ABCA3: variants seen among roughly 807,000 people sequenced by gnomAD.
The protein encoded by ABCA3 is phospholipid-transporting ATPase ABCA3.
In ABCA3, 88 loss-of-function variants were observed where a neutral mutation model predicts 172.8. The observed-to-expected ratio is 0.51, with a 90% CI of 0.43 to 0.61. The LOEUF is 0.61. Ranked by LOEUF, ABCA3 falls within the 20% of genes least tolerant of loss-of-function variation. The pLI, the probability that ABCA3 is intolerant of heterozygous loss-of-function variation, is 0.00. For missense variants in ABCA3, 2,164 were observed against 2,301.0 expected, an observed-to-expected ratio of 0.94 and a Z score of 1.22; for synonymous variants, 1,066 against 983.8, an observed-to-expected ratio of 1.08 and a Z score of -1.56.
At position 2,285,759 on chromosome 16, in the gene ABCA3, A is replaced by C; in HGVS notation, c.3279-113T>G. ...ATGCAGGGCAGCAGCCCAACCACTA[A>C]AGGGGCTTATGGGAGAGCACAAGCA... On this transcript the variant is annotated intron_variant, in intron 22 of 32. Transcript: ENST00000301732. The surrounding 1 kb of genome is among the most constrained non-coding windows in gnomAD (Gnocchi z 4.7). The C allele has an allele frequency of 1.0e-5, 10 of 997,568 alleles. No homozygotes were observed. Among genetic ancestry groups the C allele is most frequent in the Non-Finnish European group, 1.5e-5 (10 of 653,114 alleles). 61.8% of individuals were successfully genotyped at this position (997,568 alleles called of 1,614,324 possible).
At position 2,278,455 on chromosome 16, in the gene ABCA3, A is replaced by T. The variant is rs776890182; in HGVS notation, c.4551T>A (p.Gly1517=). 6.2e-7 allele frequency: 1 copy of T among 1,611,760 alleles called. No individual in the cohort carries two copies. Among genetic ancestry groups the T allele is most frequent in the African/African-American group, 1.3e-5 (1 of 75,036 alleles). The part of the protein sequence containing the change: ...HANKLVRTYS[G]GNKRKLSTGI... ...CGGTGCTCAGCTTCCGCTTGTTACCACCACTAGAGGCAGGAGGGTGCCAGG... is the reference window on the plus strand; with the variant it reads ...CGGTGCTCAGCTTCCGCTTGTTACCTCCACTAGAGGCAGGAGGGTGCCAGG... The change falls in exon 30 of 33, where the codon GGT becomes GGA. Residue 1517 remains glycine, a synonymous_variant. Coordinates refer to ENST00000301732, the MANE Select transcript of ABCA3 (RefSeq NM_001089.3). The surrounding 1 kb of genome is among the most constrained non-coding windows in gnomAD (Gnocchi z 4.4).
intron 1 of ABCA3, among the ~76,000 whole-genome samples, chr16:2,340,101 G>T (rs1358453471): frequency 6.6e-6 from 1 of 152,216 alleles, no homozygotes; most frequent in Non-Finnish European, 1.5e-5. Flanking sequence ...AACCCGGGCG[G>T]CTTTGCCACC....
At chr16:2,329,484 T>C (rs1248785445) in intron 2 of ABCA3, among the ~76,000 whole-genome samples, 164 bp downstream of exon 2, 3 of 152,212 alleles carry the variant, frequency 2.0e-5, no homozygotes, top group East Asian at 3.8e-4. Flanking sequence ...AGAAGTCTTC[T>C]GGTTAGAGGA....
At position 2,304,799 on chromosome 16, in the gene ABCA3, C is replaced by T. The variant is rs539044188; in HGVS notation, c.1286-649G>A. Among the ~76,000 whole-genome samples, 438 of 152,004 alleles carry T rather than the reference C, an allele frequency of 2.9e-3. 2 individuals carry two copies. The highest frequency in any genetic ancestry group is 0.01 in the African/African-American group (424 of 41,482). ...CACGCCATTCTCCTGCCTCAGCCTC[C>T]TGAGTAGCTGGGACTACAGGCGCCC... is the stretch of plus-strand genomic sequence containing the variant. On this transcript the variant is annotated intron_variant, in intron 11 of 32. Transcript: ENST00000301732.
chr16:2,277,474 A>T lies in ABCA3; in HGVS notation c.4983+123T>A. ...ACCAGCACGTATCAGGCTGAGTGTT[A>T]GGGGAGAAATGGAAAGTGACTCCTC... On this transcript the variant is annotated intron_variant, in intron 32 of 32. Transcript: ENST00000301732. The surrounding 1 kb of genome is among the most constrained non-coding windows in gnomAD (Gnocchi z 5.3). 1.0e-6 allele frequency: 1 copy of T among 999,854 alleles called. No individual in the cohort carries two copies. Among genetic ancestry groups the T allele is most frequent in the Non-Finnish European group, 1.5e-6 (1 of 649,936 alleles). The allele number at this position is 999,854 out of a possible 1,614,324, so 61.9% of individuals were successfully genotyped here. A position where few individuals can be genotyped will look rare whatever the true frequency, so the allele number is the denominator to read the frequency against.
At chr16:2,337,568 AGAGATGG>A (rs1270944270) in intron 1 of ABCA3, among the ~76,000 whole-genome samples, 1 of 122,324 alleles carries the variant, frequency 8.2e-6, no homozygotes, top group Non-Finnish European at 1.6e-5. Context: ...TTTTTTTTTT[AGAGATGG>A]GATCTTGCCA....
At chr16:2,336,957 G>A (rs1231932501) in intron 1 of ABCA3, among the ~76,000 whole-genome samples, 3 of 150,800 alleles carry the variant, frequency 2.0e-5, no homozygotes, top group African/African-American at 7.3e-5. Context: ...CTGTTTCCCA[G>A]GCTGCAGTGC....
Position 2,297,461 on chromosome 16 carries a change from T to C in ABCA3, c.2131A>G (p.Lys711Glu), listed in dbSNP as rs2093681639. 2 of 1,613,652 alleles carry C rather than the reference T, an allele frequency of 1.2e-6. No individual in the cohort carries two copies. Among genetic ancestry groups the C allele is most frequent in the Non-Finnish European group, 1.7e-6 (2 of 1,180,028 alleles). The change falls in exon 17 of 33, where the codon AAA (lysine) becomes GAA (glutamate). Residue 711 changes from lysine to glutamate, a missense_variant. Transcript: ENST00000301732. This position sits in a 1 kb window ranked among gnomAD's most constrained non-coding sequence, Gnocchi z 5.6. Reference sequence around the variant, plus strand: ...GTCAGCACGATGGTGCGGTCACTTTTCTGCCGCTGAAGAAGATCCCAGATG... The same window carrying C: ...GTCAGCACGATGGTGCGGTCACTTTCCTGCCGCTGAAGAAGATCCCAGATG... The part of the protein sequence containing the change: ...RAIWDLLQRQ[K>E]SDRTIVLTTH...
chr16:2,300,525 C>T (rs323040), intron 12 of ABCA3, among the ~76,000 whole-genome samples: 27,410 of 152,144 alleles, frequency 0.18, 2,607 homozygotes, highest in Middle Eastern at 0.21. Context: ...CCCATGCCAC[C>T]CGGCTGTTTC....
intron 1 of ABCA3, chr16:2,332,528 C>T: frequency 5.0e-6 from 5 of 998,930 alleles, no homozygotes; most frequent in Non-Finnish European, 6.3e-6. Flanking sequence ...GCCACATGAC[C>T]ACCACCCTCC....
intron 1 of ABCA3, 118 bp downstream of exon 1, chr16:2,340,455 C>A (rs1479299635): frequency 2.0e-5 from 3 of 150,562 alleles, no homozygotes; most frequent in African/African-American, 7.3e-5. Flanking sequence ...CAGGCCAGGC[C>A]GGAGCTGGGG....
Position 2,297,607 on chromosome 16 carries a change from T to A in ABCA3, c.2053-68A>T. 1 of 1,597,600 alleles carries A rather than the reference T, an allele frequency of 6.3e-7. No homozygotes were observed. The highest frequency in any genetic ancestry group is 8.5e-7 in the Non-Finnish European group (1 of 1,172,166). The stretch of plus-strand genomic sequence containing the variant: ...CCCCGGGCCCAGGCTGGCCTTGCGG[T>A]AGGCCCCATCGAGGGGTTCGCGGAG... On this transcript the variant is annotated intron_variant, in intron 16 of 32. Coordinates refer to ENST00000301732, the MANE Select transcript of ABCA3 (RefSeq NM_001089.3). The surrounding 1 kb of genome is among the most constrained non-coding windows in gnomAD (Gnocchi z 5.6).
In ABCA3 at chr16:2,316,490, C is replaced by CAAAAAAAAAAA. The variant is rs71148128; in HGVS notation, c.1111+782_1111+792dup. On this transcript the variant is annotated intron_variant, in intron 10 of 32. Transcript: ENST00000301732. ...CAAAACCCCGTCTCTACTAAAAATG[C>CAAAAAAAAAAA]AAAAAAAAAAAAAAAAAAAAAAAAA... Among the ~76,000 whole-genome samples, 100 of 28,872 alleles carry CAAAAAAAAAAA rather than the reference C, an allele frequency of 3.5e-3. 40 individuals carry two copies. Among genetic ancestry groups the CAAAAAAAAAAA allele is most frequent in the Non-Finnish European group, 5.3e-3 (69 of 13,002 alleles). 18.9% of individuals were successfully genotyped at this position (28,872 alleles called of 152,430 possible).
At chr16:2,325,954 C>T in intron 5 of ABCA3, 56 bp downstream of exon 5, 3 of 1,607,748 alleles carry the variant, frequency 1.9e-6, no homozygotes, top group South Asian at 2.2e-5. Context: ...CCCCTGCCTG[C>T]CCAGCCGCGT....
In ABCA3 at chr16:2,284,974, G is replaced by T; in HGVS notation, c.3508C>A (p.Arg1170Ser). The change falls in exon 24 of 33, where the codon CGT (arginine) becomes AGT (serine). Residue 1170 changes from arginine (R) to serine (S), a missense_variant. Arg to Ser is a moderately radical substitution (Grantham distance 110). This residue lies in a region of ABCA3 where 795 missense variants were observed against 881.9 expected (regional missense o/e 0.90). Coordinates refer to ENST00000301732, the MANE Select transcript of ABCA3 (RefSeq NM_001089.3). The surrounding 1 kb of genome is among the most constrained non-coding windows in gnomAD (Gnocchi z 5.9). Reference sequence around the variant, plus strand: ...ATGTGGCCGTCCCGCGTGAAGGCACGCACGTCGAAGGCCTTAAACACCACC... The same window carrying T: ...ATGTGGCCGTCCCGCGTGAAGGCACTCACGTCGAAGGCCTTAAACACCACC... ...LLVVFKAFDV[R>S]AFTRDGHMAD... is the part of the protein sequence containing the mutation. 1 of 1,613,566 alleles carries T rather than the reference G, an allele frequency of 6.2e-7. No homozygotes were observed. The highest frequency in any genetic ancestry group is 8.5e-7 in the Non-Finnish European group (1 of 1,179,954).
At chr16:2,303,941 G>A (rs371568223) in intron 12 of ABCA3, 28 bp downstream of exon 12, 79 of 1,613,446 alleles carry the variant, frequency 4.9e-5, no homozygotes, top group Non-Finnish European at 6.1e-5. Context: ...GAGAGGCGGC[G>A]GCTCAAGAGC....
In ABCA3 at chr16:2,283,558, C is replaced by G; in HGVS notation, c.3863-200G>C. 1.6e-6 allele frequency: 1 copy of G among 606,778 alleles called. No individual in the cohort carries two copies. 37.6% of individuals were successfully genotyped at this position (606,778 alleles called of 1,614,324 possible). A position where few individuals can be genotyped will look rare whatever the true frequency, so the allele number is the denominator to read the frequency against. On this transcript the variant is annotated intron_variant, in intron 25 of 32. Transcript: ENST00000301732. This position sits in a 1 kb window ranked among gnomAD's most constrained non-coding sequence, Gnocchi z 5.4. ...GAGAGGGGCCAGGCACGTAACAATC[C>G]AATGCAGTCCCATGAGCGACATGGC... is the stretch of plus-strand genomic sequence containing the variant.
At chr16:2,327,814 G>A (rs2093736820) in intron 3 of ABCA3, among the ~76,000 whole-genome samples, 1 of 152,150 alleles carries the variant, frequency 6.6e-6, no homozygotes, top group Non-Finnish European at 1.5e-5. Context: ...TCCGCCTCCT[G>A]GTTTCAAGCG....
rs947136703 is a variant in ABCA3 at position 2,276,455 on chromosome 16, A to C, written c.*219T>G. The C allele has an allele frequency of 2.4e-6, 2 of 840,220 alleles. No individual in the cohort carries two copies. Among genetic ancestry groups the C allele is most frequent in the African/African-American group, 3.4e-5 (2 of 59,198 alleles). 52.0% of individuals were successfully genotyped at this position (840,220 alleles called of 1,614,324 possible). A position where few individuals can be genotyped will look rare whatever the true frequency, so the allele number is the denominator to read the frequency against. On this transcript the variant is annotated 3_prime_UTR_variant, in exon 33 of 33. Transcript: ENST00000301732. ...GCCTGCCCCAGCTCTGGGAAAGTGA[A>C]CTCCAGAGTATGCAGACATGGAGAT...
Sources: gnomAD v4.1 joint callset for allele counts (sites outside exome capture counted in the v4.1 genomes callset) on GRCh38, gnomAD v4.1.1 for gene constraint, gnomAD v4.1.1 regional missense constraint, Gnocchi (gnomAD v3.1) non-coding constraint, MANE v1.5 for transcripts, NCBI Gene and HGNC (gene_info 2026-07-23, HGNC 2026-07-21) for gene names.